Variants in SAMD12 observed in about 807,000 individuals in gnomAD.
SAMD12 encodes sterile alpha motif domain-containing protein 12.
SAMD12 carries 9 observed loss-of-function variants against 15.0 expected under a neutral mutation model. The observed-to-expected ratio is 0.60, with a 90% CI of 0.36 to 1.05. The LOEUF is 1.05. Among genes scored for constraint, SAMD12 ranks in the 50% least tolerant of loss-of-function variants. SAMD12 has a pLI of 0.01. For missense variants in SAMD12, 230 were observed against 234.2 expected (o/e 0.98, Z 0.12); for synonymous variants, 86 against 90.1 (o/e 0.96, Z 0.25).
At chr8:118,564,865 C>T (rs563373654) in intron 2 of SAMD12, among the ~76,000 whole-genome samples, 1 of 152,314 alleles carries the variant, frequency 6.6e-6, no homozygotes, top group East Asian at 1.9e-4. Context: ...GTGATTGAAG[C>T]TCTTTTGACT....
chr8:118,408,984 C>T (rs1236136908), intron 3 of SAMD12, among the ~76,000 whole-genome samples: 2 of 152,080 alleles, frequency 1.3e-5, no homozygotes, highest in Admixed American at 6.5e-5. Flanking sequence ...CTCCAACCTC[C>T]ACCTCCCGGG....
intron 4 of SAMD12, among the ~76,000 whole-genome samples, chr8:118,240,451 A>C (rs879652723): frequency 1.3e-5 from 2 of 152,146 alleles, no homozygotes; most frequent in East Asian, 3.9e-4. Flanking sequence ...ACAGTTCTGG[A>C]TTTGCATTCT....
intron 4 of SAMD12, among the ~76,000 whole-genome samples, chr8:118,300,945 A>G (rs753228202): frequency 1.3e-5 from 2 of 152,230 alleles, no homozygotes; most frequent in Non-Finnish European, 2.9e-5. Context: ...TAAAAAGTGC[A>G]TGCATTTTTG....
At chr8:118,532,850 T>C (rs1483131429) in intron 2 of SAMD12, among the ~76,000 whole-genome samples, 1 of 152,224 alleles carries the variant, frequency 6.6e-6, no homozygotes, top group Non-Finnish European at 1.5e-5. Flanking sequence ...CTAGTCTTTC[T>C]AGCGGTCTAT....
intron 4 of SAMD12, among the ~76,000 whole-genome samples, chr8:118,336,523 T>C (rs1011444055): frequency 2.6e-5 from 4 of 151,856 alleles, no homozygotes; most frequent in African/African-American, 9.7e-5. Context: ...TTTATAATCC[T>C]TTGGGTAGAT....
intron 2 of SAMD12, among the ~76,000 whole-genome samples, chr8:118,462,841 G>T (rs1426673543): frequency 6.6e-6 from 1 of 152,072 alleles, no homozygotes; most frequent in East Asian, 1.9e-4. Context: ...GGTGGCTCAC[G>T]CCTGTAATCC....
At chr8:118,355,584 T>C (rs1010180405) in intron 4 of SAMD12, among the ~76,000 whole-genome samples, 4 of 152,186 alleles carry the variant, frequency 2.6e-5, no homozygotes, top group Non-Finnish European at 5.9e-5. Context: ...AGGGATAGAC[T>C]AGACAGTTTG....
intron 4 of SAMD12, among the ~76,000 whole-genome samples, chr8:118,207,927 C>A (rs560138825): frequency 2.6e-5 from 1 of 37,844 alleles, no homozygotes. Flanking sequence ...CGTAAATACT[C>A]CTTTTTTTTT....
At chr8:118,537,871 G>A (rs1008965228) in intron 2 of SAMD12, among the ~76,000 whole-genome samples, 2 of 152,150 alleles carry the variant, frequency 1.3e-5, no homozygotes, top group African/African-American at 4.8e-5. Context: ...GTCAGTGTCT[G>A]GGCATTGAAG....
chr8:118,439,653 A>G (rs545133229), intron 3 of SAMD12, among the ~76,000 whole-genome samples, 179 bp downstream of exon 3: 7 of 152,234 alleles, frequency 4.6e-5, no homozygotes, highest in Admixed American at 3.9e-4. Flanking sequence ...TATAATAACC[A>G]TGTATGTTTG....
At chr8:118,528,379 G>A (rs757349674) in intron 2 of SAMD12, among the ~76,000 whole-genome samples, 2 of 152,090 alleles carry the variant, frequency 1.3e-5, no homozygotes, top group South Asian at 2.1e-4. Context: ...AGCTGTCTTC[G>A]TTTATAGTCT....
In SAMD12 at chr8:118,254,847, C is replaced by T. The variant is rs559582011; in HGVS notation, c.434-57115G>A. Among the ~76,000 whole-genome samples the T allele has an allele frequency of 7.2e-5, 11 of 152,140 alleles. No individual in the cohort carries two copies. In the South Asian group the frequency reaches 1.5e-3, roughly 20 times the overall value. On this transcript the variant is annotated intron_variant, in intron 4 of 4. Transcript: ENST00000409003. The stretch of plus-strand genomic sequence containing the variant: ...TTTTCTTCCTCTCCCACATTGATTT[C>T]ACCTCTCTACTTGCTCACCCATTCC...
intron 2 of SAMD12, among the ~76,000 whole-genome samples, chr8:118,569,642 CCACA>C (rs1826950901): frequency 1.3e-5 from 2 of 152,056 alleles, no homozygotes; most frequent in Non-Finnish European, 2.9e-5. Context: ...AGAATGGCAT[CCACA>C]CAGAGGAGAA....
chr8:118,196,263 G>C (rs1272250476), exon 5 of SAMD12: 1 of 152,204 alleles, frequency 6.6e-6, no homozygotes, highest in Non-Finnish European at 1.5e-5. Flanking sequence ...AAGTCTTCCA[G>C]AACTGGTTAC....
At chr8:118,386,225 G>A (rs912033131) in intron 3 of SAMD12, among the ~76,000 whole-genome samples, 3 of 152,100 alleles carry the variant, frequency 2.0e-5, no homozygotes, top group Non-Finnish European at 4.4e-5. Flanking sequence ...TCAACGTGTC[G>A]GAAGGGCCAC....
At chr8:118,575,544 T>C (rs1827126982) in intron 2 of SAMD12, among the ~76,000 whole-genome samples, 1 of 152,168 alleles carries the variant, frequency 6.6e-6, no homozygotes, top group South Asian at 2.1e-4. Context: ...TTCCTCCAGA[T>C]TATTAGCCAG....
chr8:118,545,551 T>A (rs1327705579), intron 2 of SAMD12, among the ~76,000 whole-genome samples: 1 of 152,212 alleles, frequency 6.6e-6, no homozygotes, highest in East Asian at 1.9e-4. Context: ...TCATTAGGAC[T>A]CCTGAATTAG....
intron 1 of SAMD12, among the ~76,000 whole-genome samples, chr8:118,613,106 G>T (rs1206108223): frequency 6.6e-6 from 1 of 152,150 alleles, no homozygotes; most frequent in East Asian, 1.9e-4. Flanking sequence ...TGTTCAAATT[G>T]CTCTGTATCT....
At chr8:118,358,311 T>C (rs1291811485) in intron 4 of SAMD12, among the ~76,000 whole-genome samples, 1 of 152,180 alleles carries the variant, frequency 6.6e-6, no homozygotes, top group Non-Finnish European at 1.5e-5. Context: ...TTAGAGCTGC[T>C]CTTTGTATTT....
Sources: gnomAD v4.1 joint callset for allele counts (sites outside exome capture counted in the v4.1 genomes callset) on GRCh38, gnomAD v4.1.1 for gene constraint, MANE v1.5 for transcripts, NCBI Gene and HGNC (gene_info 2026-07-23, HGNC 2026-07-21) for gene names.